The following USP48 variants were observed in gnomAD, a reference collection of about 807,000 sequenced individuals.
USP48 encodes ubiquitin carboxyl-terminal hydrolase 48.
Under a neutral mutation model 150.7 loss-of-function variants are expected in USP48, and 43 were observed. That is an observed-to-expected ratio of 0.29 (90% CI 0.22 to 0.37). The LOEUF (loss-of-function observed/expected upper bound fraction) is 0.37. Ranked by LOEUF, USP48 falls within the 10% of genes least tolerant of loss-of-function variation. USP48 has a pLI of 1.00. For synonymous variants in USP48, 396 were observed against 425.9 expected (o/e 0.93, Z 0.86); for missense variants, 813 against 1,249.6 (o/e 0.65, Z 5.27).
At chr1:21,717,123 C>T (rs894336614) in intron 14 of USP48, among the ~76,000 whole-genome samples, 1 of 152,088 alleles carries the variant, frequency 6.6e-6, no homozygotes, top group African/African-American at 2.4e-5. Context: ...GAAGTAGAGG[C>T]CAGGCACAGT....
At chr1:21,752,421 T>G in intron 5 of USP48, 106 bp downstream of exon 5, 1 of 1,363,272 alleles carries the variant, frequency 7.3e-7, no homozygotes, top group South Asian at 1.3e-5. Flanking sequence ...TCAGGTCCCA[T>G]GATAAACCAC....
rs373807982 is a variant in USP48 at position 21,719,322 on chromosome 1, A to G, written c.1894+1714T>C. 4.6e-5 allele frequency among the ~76,000 whole-genome samples: 7 copies of G among 152,240 alleles called. No homozygotes were observed. The East Asian group carries it at 1.3e-3, about 29-fold the overall frequency. ...AAAAAAGTCTCAAAAAAGAAAATAAAAGTAAAAACTCTTCAAGTTTGAAAA... is the reference window on the plus strand; with the variant it reads ...AAAAAAGTCTCAAAAAAGAAAATAAGAGTAAAAACTCTTCAAGTTTGAAAA... On this transcript the variant is annotated intron_variant, in intron 14 of 26. Transcript: ENST00000308271.
intron 8 of USP48, among the ~76,000 whole-genome samples, chr1:21,743,327 G>A (rs2097786382): frequency 6.6e-6 from 1 of 152,182 alleles, no homozygotes; most frequent in African/African-American, 2.4e-5. Flanking sequence ...GTGTCCAATG[G>A]ATGAAACCTC....
At chr1:21,763,187 A>G (rs1175547161) in intron 1 of USP48, among the ~76,000 whole-genome samples, 2 of 152,224 alleles carry the variant, frequency 1.3e-5, no homozygotes, top group Admixed American at 1.3e-4. Context: ...TAGGCCCCAC[A>G]ACACTGGCAT....
rs570758264 is a variant in USP48, at chr1:21,780,602, G to T, written c.134+2222C>A. On this transcript the variant is annotated intron_variant, in intron 1 of 26. Coordinates refer to ENST00000308271, the MANE Select transcript of USP48 (RefSeq NM_032236.8). ...AAGTGCTGAAACATGCTACAACATG[G>T]ATGACCCTTAAATACATAAGTAAAG... Among the ~76,000 whole-genome samples the T allele has an allele frequency of 1.7e-3, 255 of 152,054 alleles. 3 individuals are homozygous for T. Among genetic ancestry groups the T allele is most frequent in the Non-Finnish European group, 4.6e-4 (31 of 67,994 alleles).
intron 1 of USP48, among the ~76,000 whole-genome samples, chr1:21,770,526 G>C (rs2097876667): frequency 1.4e-5 from 2 of 144,544 alleles, no homozygotes; most frequent in Non-Finnish European, 3.0e-5. Flanking sequence ...CTGTTGCCCA[G>C]GCTGGAGTGC....
chr1:21,709,040 G>A (rs2097682879), intron 15 of USP48, among the ~76,000 whole-genome samples: 1 of 151,918 alleles, frequency 6.6e-6, no homozygotes, highest in Non-Finnish European at 1.5e-5. Flanking sequence ...CTCCTGAGTA[G>A]TCTGGCTAAC....
Position 21,767,486 on chromosome 1 carries a change from G to A in USP48, c.135-9703C>T, listed in dbSNP as rs1404039904. The stretch of plus-strand genomic sequence containing the variant: ...ACTCCAGGTGTGCGTCACCATGCCC[G>A]GCTAATTTTTGTATTTTTAGTAGAG... On this transcript the variant is annotated intron_variant, in intron 1 of 26. Coordinates refer to ENST00000308271, the MANE Select transcript of USP48 (RefSeq NM_032236.8). 5.3e-5 allele frequency among the ~76,000 whole-genome samples: 8 copies of A among 151,970 alleles called. No homozygotes were observed. In the South Asian group the frequency reaches 8.3e-4, roughly 16 times the overall value.
At chr1:21,780,962 G>C (rs2097912946) in intron 1 of USP48, among the ~76,000 whole-genome samples, 1 of 150,656 alleles carries the variant, frequency 6.6e-6, no homozygotes, top group Non-Finnish European at 1.5e-5. Context: ...GGCTGGTCTC[G>C]AACTCCTGAC....
At chr1:21,718,557 C>A (rs1158423233) in intron 14 of USP48, among the ~76,000 whole-genome samples, 1 of 133,920 alleles carries the variant, frequency 7.5e-6, no homozygotes, top group Non-Finnish European at 1.6e-5. Context: ...TATAAAGAGG[C>A]CTTTTTCTTT....
At position 21,741,741 on chromosome 1, in the gene USP48, C is replaced by T. The variant is rs955006600; in HGVS notation, c.992-5116G>A. 2.6e-5 allele frequency among the ~76,000 whole-genome samples: 4 copies of T among 152,042 alleles called. No homozygotes were observed. The East Asian group carries it at 7.7e-4, about 29-fold the overall frequency. On this transcript the variant is annotated intron_variant, in intron 8 of 26. Transcript: ENST00000308271. The stretch of plus-strand genomic sequence containing the variant: ...CCTGTAATCCCAGGACTTTGTGAGC[C>T]GAGGCAAGAGGACTGCTTAAGGCCG...
chr1:21,737,128 A>G (rs1398150541), intron 8 of USP48, among the ~76,000 whole-genome samples: 1 of 152,192 alleles, frequency 6.6e-6, no homozygotes, highest in Admixed American at 6.5e-5. Context: ...AGGTGTAGGC[A>G]TTTGTCCAAG....
At chr1:21,724,743 A>C (rs1359491937) in intron 11 of USP48, 1 of 152,264 alleles carries the variant, frequency 6.6e-6, no homozygotes, top group Non-Finnish European at 1.5e-5. Context: ...ACCTATTTTA[A>C]ACAAGTTCGA....
chr1:21,727,882 G>A, intron 11 of USP48: 1 of 976,844 alleles, frequency 1.0e-6, no homozygotes, highest in Non-Finnish European at 1.2e-6. Flanking sequence ...CTAAAGTAAG[G>A]ACTAAATTGT....
At chr1:21,740,053 T>C (rs1571926037) in intron 8 of USP48, among the ~76,000 whole-genome samples, 1 of 152,182 alleles carries the variant, frequency 6.6e-6, no homozygotes, top group East Asian at 1.9e-4. Context: ...CTGGGATTAC[T>C]GGCATGCGCC....
chr1:21,695,028 T>G, intron 23 of USP48, 38 bp downstream of exon 23: 2 of 1,578,290 alleles, frequency 1.3e-6, no homozygotes, highest in Non-Finnish European at 1.7e-6. Context: ...AAAGGCCCTT[T>G]TAAGTCCAGA....
At chr1:21,758,669 G>A (rs2097842810) in intron 1 of USP48, among the ~76,000 whole-genome samples, 1 of 151,996 alleles carries the variant, frequency 6.6e-6, no homozygotes, top group African/African-American at 2.4e-5. Context: ...AGAATCCCTT[G>A]AACCCAGGAC....
intron 1 of USP48, among the ~76,000 whole-genome samples, chr1:21,765,573 C>T (rs372785335): frequency 1.1e-3 from 172 of 150,164 alleles, no homozygotes; most frequent in African/African-American, 3.9e-3. Context: ...GCCGAGATCA[C>T]GCCACTGCAC....
chr1:21,738,983 C>T (rs1571921607), intron 8 of USP48, among the ~76,000 whole-genome samples: 1 of 152,254 alleles, frequency 6.6e-6, no homozygotes, highest in African/African-American at 2.4e-5. Flanking sequence ...ATTTTTAAAT[C>T]TTTCTAAATG....
Sources: allele counts gnomAD v4.1 joint callset (sites outside exome capture counted in the v4.1 genomes callset), GRCh38; gene constraint gnomAD v4.1.1; transcripts MANE v1.5; gene names NCBI Gene and HGNC (gene_info 2026-07-23, HGNC 2026-07-21).